The following DHX8 variants were observed in gnomAD, a reference collection of about 807,000 sequenced individuals.
The protein encoded by DHX8 is ATP-dependent RNA helicase DHX8.
A neutral mutation model predicts 140.7 loss-of-function variants in DHX8; 67 were observed. That is an observed-to-expected ratio of 0.48 (90% confidence interval 0.39 to 0.58). The LOEUF (loss-of-function observed/expected upper bound fraction) is 0.58. DHX8 is among the 20% of genes least tolerant of loss of function. The probability of loss-of-function intolerance (pLI) is 0.00; values close to 1 mark genes in which losing one functional copy is unlikely to be tolerated. For synonymous variants in DHX8, 533 were observed against 553.2 expected, an observed-to-expected ratio of 0.96 and a Z score of 0.51; for missense variants, 887 against 1,550.7, an observed-to-expected ratio of 0.57 and a Z score of 7.19.
chr17:43,510,028 C>CTGTT (rs1969729732), intron 16 of DHX8, among the ~76,000 whole-genome samples: 1 of 146,992 alleles, frequency 6.8e-6, no homozygotes, highest in Non-Finnish European at 1.5e-5. Flanking sequence ...TTGGAATTTA[C>CTGTT]TGTTTTTTGT....
chr17:43,530,609 CGTGTGT>C (rs58803566), downstream of DHX8, among the ~76,000 whole-genome samples: 174 of 119,066 alleles, frequency 1.5e-3, no homozygotes, highest in South Asian at 1.4e-3. Flanking sequence ...TGCACGCGCG[CGTGTGT>C]GTGTGTGTGT....
chr17:43,492,432 C>T, intron 5 of DHX8, 140 bp downstream of exon 5: 2 of 678,908 alleles, frequency 2.9e-6, no homozygotes, highest in South Asian at 3.6e-5. Flanking sequence ...GTTTTCATTG[C>T]TTCCTGCTAA....
chr17:43,492,286 A>C lies in DHX8; in HGVS notation c.497A>C (p.Glu166Ala). 1 of 1,613,246 alleles carries C rather than the reference A, an allele frequency of 6.2e-7. No homozygotes were observed. The highest frequency in any genetic ancestry group is 1.3e-5 in the African/African-American group (1 of 75,036). The change falls in exon 5 of 23, where the codon GAA becomes GCA. Residue 166 changes from glutamate (E) to alanine (A), a missense_variant. By Grantham distance (107) the Glu-to-Ala change is moderately radical. Coordinates refer to ENST00000262415, the MANE Select transcript of DHX8 (RefSeq NM_004941.3). Reference sequence around the variant, plus strand: ...GGCCAGGAGAAGCAAAGAGATGCTGAACACCGGTTTGTCCTTAGTGTCCTG... The same window carrying C: ...GGCCAGGAGAAGCAAAGAGATGCTGCACACCGGTTTGTCCTTAGTGTCCTG... ...AAGQEKQRDA[E>A]HRDRTKKKKR...
In DHX8 at chr17:43,525,503, C is replaced by A. The variant is rs902837825; in HGVS notation, c.*1656C>A. On this transcript the variant is annotated 3_prime_UTR_variant, in exon 23 of 23. Transcript: ENST00000262415. ...CTGTCTGAGTATTCGCCTTTGTAAG[C>A]CCAGGCCAGTAATCAAGGGGCAGGG... The A allele has an allele frequency of 8.1e-6, 8 of 985,264 alleles. No homozygotes were observed. Among genetic ancestry groups the A allele is most frequent in the Admixed American group, 6.2e-5 (1 of 16,256 alleles). The allele number at this position is 985,264 out of a possible 1,614,324, so 61.0% of individuals were successfully genotyped here.
chr17:43,524,450 C>G lies in DHX8; in HGVS notation c.*603C>G, dbSNP rs1038972332. 14 of 987,474 alleles carry G rather than the reference C, an allele frequency of 1.4e-5. No individual in the cohort carries two copies. In the African/African-American group the frequency reaches 2.1e-4, roughly 15 times the overall value. The allele number at this position is 987,474 out of a possible 1,614,324, so 61.2% of individuals were successfully genotyped here. On this transcript the variant is annotated 3_prime_UTR_variant, in exon 23 of 23. Transcript: ENST00000262415. ...TCCCCTGAATCCCCTGAAACCAGAA[C>G]GCAGGGCCTCTTTGCGCTCGGAAAC...
intron 20 of DHX8, 103 bp from the exon 21 acceptor site, chr17:43,521,266 T>C: frequency 2.1e-6 from 2 of 940,522 alleles, no homozygotes; most frequent in Non-Finnish European, 3.2e-6. Context: ...CCTAGCCTGA[T>C]GTGGACACTT....
rs575134237 is a variant in DHX8 at position 43,525,164 on chromosome 17, G to T, written c.*1317G>T. 6.1e-6 allele frequency: 6 copies of T among 985,340 alleles called. No homozygotes were observed. The African/African-American group carries it at 1.0e-4, about 17-fold the overall frequency. 61.0% of individuals were successfully genotyped at this position (985,340 alleles called of 1,614,324 possible). A position where few individuals can be genotyped will look rare whatever the true frequency, so the allele number is the denominator to read the frequency against. On this transcript the variant is annotated 3_prime_UTR_variant, in exon 23 of 23. Transcript: ENST00000262415. ...GGCCAGGTTTCGGAACTTACGGAAA[G>T]CTGGTCTGGATGTAGTGCTTGTAGA...
Position 43,499,949 on chromosome 17 carries a change from G to T in DHX8, c.1399-7G>T. The T allele has an allele frequency of 1.2e-6, 2 of 1,609,686 alleles. No individual in the cohort carries two copies. Among genetic ancestry groups the T allele is most frequent in the South Asian group, 1.1e-5 (1 of 90,340 alleles). On this transcript the variant is annotated splice_polypyrimidine_tract_variant and splice_region_variant and intron_variant, in intron 10 of 22. Coordinates refer to ENST00000262415, the MANE Select transcript of DHX8 (RefSeq NM_004941.3). ...AATCCATGTTGTTTTTTCTTCTGTT[G>T]CACCAGAACCCAGACGGCTCCCTCT...
At chr17:43,490,950 ACTC>A (rs1002541356) in intron 3 of DHX8, among the ~76,000 whole-genome samples, 7 of 151,894 alleles carry the variant, frequency 4.6e-5, no homozygotes, top group African/African-American at 1.7e-4. Flanking sequence ...GTATTGCTAC[ACTC>A]CTCTTTCTGC....
At chr17:43,496,721 C>T (rs572522052) in intron 9 of DHX8, among the ~76,000 whole-genome samples, 2 of 151,532 alleles carry the variant, frequency 1.3e-5, no homozygotes, top group Non-Finnish European at 2.9e-5. Context: ...CGGAGGTTGC[C>T]GTGAGCCGAG....
chr17:43,536,213 G>C, intron 2 of DHX8: 1 of 593,058 alleles, frequency 1.7e-6, no homozygotes, highest in Non-Finnish European at 3.0e-6. Context: ...GAGAACCAGA[G>C]GGATAGTGTC....
chr17:43,527,346 A>G (rs1171530259), downstream of DHX8, among the ~76,000 whole-genome samples: 1 of 152,114 alleles, frequency 6.6e-6, no homozygotes, highest in Admixed American at 6.5e-5. Flanking sequence ...CCAGACAAAC[A>G]CTTGTCCCCA....
intron 17 of DHX8, among the ~76,000 whole-genome samples, chr17:43,513,816 C>T (rs1024146201): frequency 8.1e-5 from 12 of 148,490 alleles, no homozygotes; most frequent in African/African-American, 3.0e-4. Flanking sequence ...TGGGTTCAAG[C>T]GATTCTCCTG....
intron 3 of DHX8, among the ~76,000 whole-genome samples, chr17:43,537,686 ACT>A (rs1299912360): frequency 1.3e-5 from 2 of 149,486 alleles, no homozygotes; most frequent in South Asian, 4.2e-4. Flanking sequence ...ACAAAGTGAG[ACT>A]CTGTTCCAAA....
At chr17:43,529,805 C>G, downstream of DHX8, 6 of 1,601,608 alleles carry the variant, frequency 3.7e-6, 1 homozygote, top group South Asian at 5.5e-5. Flanking sequence ...CCTCTTGCAA[C>G]AATGAAACGT....
At chr17:43,496,346 C>G (rs375815965) in intron 9 of DHX8, 78 bp downstream of exon 9, 1 of 958,164 alleles carries the variant, frequency 1.0e-6, no homozygotes, top group Non-Finnish European at 1.7e-6. Flanking sequence ...TAGTTTAACC[C>G]AGTGGCTATT....
chr17:43,499,477 T>G (rs1567682140), intron 10 of DHX8, among the ~76,000 whole-genome samples: 1 of 152,198 alleles, frequency 6.6e-6, no homozygotes, highest in Admixed American at 6.5e-5. Flanking sequence ...TTCTGCGGTG[T>G]TCTTCTCATA....
intron 16 of DHX8, among the ~76,000 whole-genome samples, chr17:43,512,353 C>T (rs1467506137): frequency 1.4e-5 from 2 of 146,134 alleles, no homozygotes; most frequent in African/African-American, 5.1e-5. Flanking sequence ...CACCACTGCA[C>T]TCCAGCTTGG....
chr17:43,491,232 G>T lies in DHX8; in HGVS notation c.375G>T (p.Pro125=). The change falls in exon 4 of 23, where the codon CCG becomes CCT. Residue 125 remains proline, a synonymous_variant. Transcript: ENST00000262415. ...AACTCTTCCCAGTCCTTTGCCAACC[G>T]GACAACCCTTCTGTTCGGGTACTGA... ...LKELFPVLCQ[P]DNPSVRTMLD... The T allele has an allele frequency of 6.5e-7, 1 of 1,529,682 alleles. No individual in the cohort carries two copies. 94.8% of individuals were successfully genotyped at this position (1,529,682 alleles called of 1,614,324 possible).
Sources: gnomAD v4.1 joint callset for allele counts (sites outside exome capture counted in the v4.1 genomes callset) on GRCh38, gnomAD v4.1.1 for gene constraint, MANE v1.5 for transcripts, NCBI Gene and HGNC (gene_info 2026-07-23, HGNC 2026-07-21) for gene names.